Variants in TDP1 observed in about 807,000 individuals in gnomAD.
The protein encoded by TDP1 is tyrosyl-DNA phosphodiesterase 1, also known as tyr-DNA phosphodiesterase 1.
In TDP1, 64 loss-of-function variants were observed where a neutral mutation model predicts 81.5. The observed-to-expected ratio is 0.79, with a 90% CI of 0.64 to 0.97. The LOEUF (loss-of-function observed/expected upper bound fraction) is 0.97, where lower values mean the gene tolerates loss of function less well. Ranked by LOEUF, TDP1 falls within the 50% of genes least tolerant of loss-of-function variation. TDP1 has a pLI of 0.00. For synonymous variants in TDP1, 256 were observed against 264.3 expected (o/e 0.97, Z 0.30); for missense variants, 723 against 743.8 (o/e 0.97, Z 0.33).
intron 7 of TDP1, among the ~76,000 whole-genome samples, chr14:89,976,485 C>T (rs192531779): frequency 5.4e-5 from 8 of 148,566 alleles, no homozygotes; most frequent in East Asian, 2.0e-4. Flanking sequence ...ACTACCCCCT[C>T]GCTCCTACAC....
At chr14:90,032,476 C>T (rs1332622884) in intron 15 of TDP1, among the ~76,000 whole-genome samples, 1 of 152,034 alleles carries the variant, frequency 6.6e-6, no homozygotes, top group East Asian at 1.9e-4. Context: ...GTGGTAAGCA[C>T]CTGCACTGCG....
intron 15 of TDP1, among the ~76,000 whole-genome samples, chr14:90,027,855 G>C (rs957721436): frequency 6.6e-6 from 1 of 152,160 alleles, no homozygotes; most frequent in Non-Finnish European, 1.5e-5. Context: ...ACAGTGCCTG[G>C]TACTTAGCAA....
In TDP1 at chr14:89,988,342, G is replaced by T. The variant is rs931220185; in HGVS notation, c.1132-563G>T. 3.9e-5 allele frequency among the ~76,000 whole-genome samples: 6 copies of T among 152,126 alleles called. No homozygotes were observed. The East Asian group carries it at 1.2e-3, about 29-fold the overall frequency. ...GCCCCTCCTATCCCTGGAGGATGGG[G>T]GGTTGTGCCAAAAGTCCCAATCTTC... is the stretch of plus-strand genomic sequence containing the variant. On this transcript the variant is annotated intron_variant, in intron 10 of 16. Coordinates refer to ENST00000335725, the MANE Select transcript of TDP1 (RefSeq NM_018319.4).
chr14:90,029,456 C>T (rs1315744660), intron 15 of TDP1, among the ~76,000 whole-genome samples: 1 of 150,834 alleles, frequency 6.6e-6, no homozygotes, highest in African/African-American at 2.4e-5. Flanking sequence ...GCCTCGGCCT[C>T]ACAAAGTGCT....
chr14:89,957,923 A>G (rs1891849033), intron 2 of TDP1, among the ~76,000 whole-genome samples: 1 of 152,188 alleles, frequency 6.6e-6, no homozygotes, highest in Admixed American at 6.5e-5. Flanking sequence ...TCAGCCTGGC[A>G]GAATGCATTT....
intron 3 of TDP1, chr14:89,965,849 A>G: frequency 1.0e-6 from 1 of 984,816 alleles, no homozygotes; most frequent in Non-Finnish European, 1.2e-6. Context: ...ATCTGAAAAG[A>G]ATATGTATCA....
chr14:90,036,426 C>G (rs546943346), intron 16 of TDP1, among the ~76,000 whole-genome samples: 3 of 152,250 alleles, frequency 2.0e-5, no homozygotes, highest in Admixed American at 1.3e-4. Context: ...TGTAACACCT[C>G]TAAGATCTTG....
intron 16 of TDP1, among the ~76,000 whole-genome samples, chr14:90,036,724 T>C (rs1009309253): frequency 5.9e-5 from 9 of 151,842 alleles, no homozygotes; most frequent in Non-Finnish European, 1.0e-4. Context: ...CTTACTCTCA[T>C]CAAACTTACA....
intron 3 of TDP1, among the ~76,000 whole-genome samples, chr14:89,964,104 AGATCCTGCAGTCT>A (rs1277806638): frequency 2.0e-5 from 3 of 152,222 alleles, no homozygotes; most frequent in African/African-American, 7.2e-5. Context: ...TCTGAGGGTG[AGATCCTGCAGTCT>A]GTGTTTTCAC....
chr14:89,976,187 C>G (rs1269979796), intron 7 of TDP1, among the ~76,000 whole-genome samples: 1 of 151,852 alleles, frequency 6.6e-6, no homozygotes, highest in Non-Finnish European at 1.5e-5. Flanking sequence ...CTCACTGCAG[C>G]CTCCAACTCC....
At chr14:89,957,001 C>T (rs1024906350) in intron 2 of TDP1, 11 of 152,286 alleles carry the variant, frequency 7.2e-5, no homozygotes, top group African/African-American at 2.7e-4. Flanking sequence ...TCTCCCCTCA[C>T]CCGCTTCGGA....
intron 16 of TDP1, chr14:90,033,726 T>C (rs189900567): frequency 6.1e-6 from 1 of 164,652 alleles, no homozygotes; most frequent in African/African-American, 2.4e-5. Flanking sequence ...AGTCTAACTA[T>C]TAGAAATTAA....
At chr14:89,959,832 A>G (rs577221441) in intron 2 of TDP1, among the ~76,000 whole-genome samples, 4 of 152,300 alleles carry the variant, frequency 2.6e-5, no homozygotes, top group Non-Finnish European at 5.9e-5. Context: ...TTAGTACATA[A>G]TAATGTACTT....
chr14:90,026,577 A>G (rs1566922731), intron 15 of TDP1, among the ~76,000 whole-genome samples: 1 of 152,150 alleles, frequency 6.6e-6, no homozygotes, highest in Non-Finnish European at 1.5e-5. Flanking sequence ...CATCATTTAC[A>G]TTAGGTATAT....
At chr14:90,033,009 T>A in intron 15 of TDP1, 97 bp from the exon 16 acceptor site, 1 of 1,162,156 alleles carries the variant, frequency 8.6e-7, no homozygotes, top group Non-Finnish European at 1.2e-6. Flanking sequence ...TTTATTTAGG[T>A]ACCATAAAGA....
At chr14:89,986,451 C>T (rs1423251883) in intron 10 of TDP1, among the ~76,000 whole-genome samples, 1 of 152,212 alleles carries the variant, frequency 6.6e-6, no homozygotes, top group Non-Finnish European at 1.5e-5. Flanking sequence ...TGCACATACA[C>T]AGTTGTTTGT....
At chr14:89,996,322 C>T (rs1002252502) in intron 14 of TDP1, among the ~76,000 whole-genome samples, 8 of 152,174 alleles carry the variant, frequency 5.3e-5, no homozygotes, top group African/African-American at 1.9e-4. Context: ...ACCCATTAAT[C>T]CCCAAGAGGA....
chr14:90,035,449 C>T (rs1039142070), intron 16 of TDP1, among the ~76,000 whole-genome samples: 2 of 150,440 alleles, frequency 1.3e-5, no homozygotes, highest in Non-Finnish European at 2.9e-5. Flanking sequence ...CTGTCAGGAT[C>T]TTACCTGCCA....
intron 15 of TDP1, among the ~76,000 whole-genome samples, chr14:90,024,899 A>G (rs1405223327): frequency 6.6e-6 from 1 of 152,166 alleles, no homozygotes; most frequent in African/African-American, 2.4e-5. Flanking sequence ...TGTTTGCCAA[A>G]TAGACTTACT....
Sources: gnomAD v4.1 joint callset for allele counts (sites outside exome capture counted in the v4.1 genomes callset) on GRCh38, gnomAD v4.1.1 for gene constraint, MANE v1.5 for transcripts, NCBI Gene and HGNC (gene_info 2026-07-23, HGNC 2026-07-21) for gene names.